Variants in INPP4B observed in about 807,000 individuals in gnomAD.
The protein encoded by INPP4B is inositol polyphosphate-4-phosphatase type II B, also known as inositol polyphosphate 4-phosphatase type II.
INPP4B carries 55 observed loss-of-function variants against 122.5 expected under a neutral mutation model. The observed-to-expected ratio is 0.45, with a 90% confidence interval of 0.36 to 0.56. The LOEUF (loss-of-function observed/expected upper bound fraction) is 0.56, where lower values mean the gene tolerates loss of function less well. INPP4B is among the 20% of genes least tolerant of loss of function. The pLI, the probability that INPP4B is intolerant of heterozygous loss-of-function variation, is 0.00. For synonymous variants in INPP4B, 403 were observed against 388.7 expected (o/e 1.04, Z -0.43); for missense variants, 1,000 against 1,097.7 (o/e 0.91, Z 1.26).
At chr4:142,826,137 A>G (rs1366233800) in intron 1 of INPP4B, among the ~76,000 whole-genome samples, 2 of 152,176 alleles carry the variant, frequency 1.3e-5, no homozygotes, top group Non-Finnish European at 2.9e-5. Flanking sequence ...ATATATACAT[A>G]TATGAGAAAC....
chr4:142,385,781 G>A (rs1795771648), intron 7 of INPP4B, among the ~76,000 whole-genome samples: 1 of 151,958 alleles, frequency 6.6e-6, no homozygotes, highest in Non-Finnish European at 1.5e-5. Flanking sequence ...AATAAATTAT[G>A]TTATTTTAAA....
At chr4:142,097,269 T>TA (rs1782344413) in intron 23 of INPP4B, among the ~76,000 whole-genome samples, 1 of 151,570 alleles carries the variant, frequency 6.6e-6, no homozygotes, top group African/African-American at 2.4e-5. Context: ...TATTTTATTT[T>TA]TTGAGACGGA....
intron 15 of INPP4B, among the ~76,000 whole-genome samples, chr4:142,183,290 T>G (rs1189399590): frequency 6.6e-6 from 1 of 152,196 alleles, no homozygotes; most frequent in East Asian, 1.9e-4. Flanking sequence ...CCAATCCATC[T>G]TCCTTCTCTG....
intron 3 of INPP4B, among the ~76,000 whole-genome samples, chr4:142,436,777 T>C (rs1272146191): frequency 6.7e-6 from 1 of 148,154 alleles, no homozygotes; most frequent in African/African-American, 2.5e-5. Context: ...AGATTGAAAC[T>C]AGACAAACTC....
chr4:142,263,342 G>A (rs1456644154), intron 10 of INPP4B, among the ~76,000 whole-genome samples: 1 of 151,894 alleles, frequency 6.6e-6, no homozygotes, highest in African/African-American at 2.4e-5. Flanking sequence ...TTCAAAAGTT[G>A]TTCTGTAAGT....
intron 1 of INPP4B, among the ~76,000 whole-genome samples, chr4:142,825,131 T>C (rs532849737): frequency 1.4e-4 from 22 of 152,254 alleles, no homozygotes; most frequent in Admixed American, 4.6e-4. Context: ...GCAGGCTATT[T>C]GCATTTTGTG....
chr4:142,643,952 G>C (rs904803986), intron 2 of INPP4B, among the ~76,000 whole-genome samples: 1 of 152,140 alleles, frequency 6.6e-6, no homozygotes, highest in Admixed American at 6.6e-5. Flanking sequence ...TGTAATCCCA[G>C]TGCTTTGGGA....
chr4:142,464,716 A>G (rs1817432497), intron 2 of INPP4B, among the ~76,000 whole-genome samples: 1 of 152,194 alleles, frequency 6.6e-6, no homozygotes, highest in South Asian at 2.1e-4. Flanking sequence ...CTCAAAACAG[A>G]AAATAATATA....
chr4:142,127,319 T>A (rs1472546745), intron 18 of INPP4B, among the ~76,000 whole-genome samples: 1 of 152,188 alleles, frequency 6.6e-6, no homozygotes, highest in East Asian at 1.9e-4. Context: ...TAAGTGACAA[T>A]TCTAATTAAA....
chr4:142,805,601 C>T (rs947627324), intron 1 of INPP4B, among the ~76,000 whole-genome samples: 1 of 152,142 alleles, frequency 6.6e-6, no homozygotes, highest in African/African-American at 2.4e-5. Flanking sequence ...CTTCCTCCTC[C>T]TCAGCCTCCT....
At chr4:142,211,050 C>G (rs191297195) in intron 12 of INPP4B, among the ~76,000 whole-genome samples, 9 of 152,282 alleles carry the variant, frequency 5.9e-5, no homozygotes, top group Admixed American at 5.9e-4. Context: ...ACTGATGAAC[C>G]TGTTTGTTCT....
chr4:142,303,320 T>C (rs531755295), intron 9 of INPP4B, among the ~76,000 whole-genome samples: 1 of 152,220 alleles, frequency 6.6e-6, no homozygotes, highest in African/African-American at 2.4e-5. Context: ...AAATTAACCA[T>C]GAAGAAAAGG....
intron 9 of INPP4B, among the ~76,000 whole-genome samples, chr4:142,280,295 A>G (rs553151829): frequency 6.6e-6 from 1 of 152,092 alleles, no homozygotes; most frequent in South Asian, 2.1e-4. Flanking sequence ...AACAATAGAA[A>G]TATCCTTTAA....
At chr4:142,314,832 G>T (rs894904100) in intron 7 of INPP4B, 70 bp from the exon 8 acceptor site, 13 of 1,283,340 alleles carry the variant, frequency 1.0e-5, no homozygotes, top group Non-Finnish European at 2.2e-6. Flanking sequence ...ACAGGTGCTG[G>T]GTTTCAATTT....
chr4:142,789,243 C>A (rs1370431443), intron 1 of INPP4B, among the ~76,000 whole-genome samples: 1 of 152,050 alleles, frequency 6.6e-6, no homozygotes, highest in Non-Finnish European at 1.5e-5. Flanking sequence ...AGCAATCAGA[C>A]AAGAGAAAGA....
chr4:142,467,587 G>A (rs1475613413), intron 2 of INPP4B, among the ~76,000 whole-genome samples: 2 of 151,890 alleles, frequency 1.3e-5, no homozygotes, highest in African/African-American at 4.8e-5. Flanking sequence ...TAGATGGAAG[G>A]AACTAATTTC....
Position 142,830,014 on chromosome 4 carries a change from G to A in INPP4B, c.-254+16195C>T, listed in dbSNP as rs531805110. 2.6e-5 allele frequency among the ~76,000 whole-genome samples: 4 copies of A among 152,154 alleles called. No homozygotes were observed. The South Asian group carries it at 6.2e-4, about 24-fold the overall frequency. ...GAATAAATCTGGCACAGGATGTAGA[G>A]GACCTTTCTAGAGCAAATGTTTAAG... On this transcript the variant is annotated intron_variant, in intron 1 of 25. Transcript: ENST00000262992.
intron 7 of INPP4B, among the ~76,000 whole-genome samples, chr4:142,316,126 C>T (rs1302150940): frequency 6.6e-6 from 1 of 152,172 alleles, no homozygotes; most frequent in African/African-American, 2.4e-5. Flanking sequence ...AGATCCAGCA[C>T]TATCGCTTGC....
At chr4:142,617,588 G>A (rs1423465211) in intron 2 of INPP4B, among the ~76,000 whole-genome samples, 7 of 152,124 alleles carry the variant, frequency 4.6e-5, no homozygotes, top group East Asian at 3.9e-4. Context: ...GAGAGAAGGC[G>A]CTGCCATTAA....
Sources: gnomAD v4.1 joint callset for allele counts (sites outside exome capture counted in the v4.1 genomes callset) on GRCh38, gnomAD v4.1.1 for gene constraint, MANE v1.5 for transcripts, NCBI Gene and HGNC (gene_info 2026-07-23, HGNC 2026-07-21) for gene names.